ZHX2: variants seen among roughly 807,000 people sequenced by gnomAD.
The protein encoded by ZHX2 is zinc fingers and homeoboxes 2.
ZHX2 carries 6 observed loss-of-function variants against 21.9 expected under a neutral mutation model. The observed-to-expected ratio is 0.27, with a 90% CI of 0.15 to 0.54. The LOEUF (loss-of-function observed/expected upper bound fraction) is 0.54. Among genes scored for constraint, ZHX2 ranks in the 20% least tolerant of loss-of-function variants. The pLI, the probability that ZHX2 is intolerant of heterozygous loss-of-function variation, is 0.95. For missense variants in ZHX2, 908 were observed against 1,090.7 expected (o/e 0.83, Z 2.36); for synonymous variants, 434 against 437.1 (o/e 0.99, Z 0.09).
chr8:122,885,501 G>T (rs1361543385), intron 2 of ZHX2, among the ~76,000 whole-genome samples: 1 of 152,118 alleles, frequency 6.6e-6, no homozygotes, highest in Non-Finnish European at 1.5e-5. Context: ...TTTTTGGGTG[G>T]CATGGAAAGT....
chr8:122,789,911 A>G (rs1817477787), intron 1 of ZHX2, among the ~76,000 whole-genome samples: 1 of 152,184 alleles, frequency 6.6e-6, no homozygotes, highest in African/African-American at 2.4e-5. Flanking sequence ...AGTCCAGGAG[A>G]GCCCGAAGAC....
At chr8:122,797,430 G>C (rs953933164) in intron 1 of ZHX2, among the ~76,000 whole-genome samples, 1 of 152,210 alleles carries the variant, frequency 6.6e-6, no homozygotes, top group East Asian at 1.9e-4. Flanking sequence ...GCACATGACC[G>C]TCGGGCCAGT....
intron 1 of ZHX2, among the ~76,000 whole-genome samples, chr8:122,818,751 G>T (rs1818081643): frequency 6.6e-6 from 1 of 152,208 alleles, no homozygotes; most frequent in South Asian, 2.1e-4. Flanking sequence ...ATGAAAACAG[G>T]ATCTTCGTTG....
At chr8:122,922,924 G>A (rs1001165115) in intron 2 of ZHX2, among the ~76,000 whole-genome samples, 9 of 152,190 alleles carry the variant, frequency 5.9e-5, no homozygotes, top group Admixed American at 4.6e-4. Flanking sequence ...CCATCTGCCC[G>A]GTGGGCTGCT....
Position 122,936,714 on chromosome 8 carries a change from A to G in ZHX2, c.-219-14578A>G, listed in dbSNP as rs563495273. On this transcript the variant is annotated intron_variant, in intron 2 of 3. Coordinates refer to ENST00000314393, the MANE Select transcript of ZHX2 (RefSeq NM_014943.5). ...CTGGGACACAGTGGAATTCAGTGGG[A>G]CATCATCAGGACTGGTTCTCTGCAT... Among the ~76,000 whole-genome samples, 7 of 152,330 alleles carry G rather than the reference A, an allele frequency of 4.6e-5. No individual in the cohort carries two copies. The East Asian group carries it at 1.2e-3, about 25-fold the overall frequency.
intron 1 of ZHX2, among the ~76,000 whole-genome samples, chr8:122,827,500 G>A (rs1818287819): frequency 6.6e-6 from 1 of 152,212 alleles, no homozygotes; most frequent in Non-Finnish European, 1.5e-5. Flanking sequence ...ACAACTCTGT[G>A]AAGAAAGTTG....
At chr8:122,799,370 C>A (rs1284707114) in intron 1 of ZHX2, among the ~76,000 whole-genome samples, 1 of 151,364 alleles carries the variant, frequency 6.6e-6, no homozygotes, top group Non-Finnish European at 1.5e-5. Context: ...TGGGCTAACA[C>A]CCTTTGTTTT....
At chr8:122,793,301 C>G (rs2130544004) in intron 1 of ZHX2, among the ~76,000 whole-genome samples, 1 of 152,288 alleles carries the variant, frequency 6.6e-6, no homozygotes, top group East Asian at 1.9e-4. Flanking sequence ...CAGGAAGTGG[C>G]CTGGGATGAA....
At chr8:122,839,588 G>C (rs1037826056) in intron 1 of ZHX2, among the ~76,000 whole-genome samples, 10 of 152,140 alleles carry the variant, frequency 6.6e-5, no homozygotes, top group Admixed American at 1.3e-4. Flanking sequence ...ATAGAACTTG[G>C]TATTGGAAGA....
chr8:122,832,418 G>A (rs756653401), intron 1 of ZHX2, among the ~76,000 whole-genome samples: 4 of 152,204 alleles, frequency 2.6e-5, no homozygotes, highest in African/African-American at 4.8e-5. Context: ...GTTTGGAGAG[G>A]TAGGCAACAA....
intron 1 of ZHX2, among the ~76,000 whole-genome samples, chr8:122,849,280 G>A (rs575026960): frequency 5.9e-5 from 9 of 152,264 alleles, no homozygotes; most frequent in East Asian, 3.9e-4. Context: ...GAGTGGCTCC[G>A]GAGCTAGACA....
chr8:122,788,425 G>A (rs550542491), intron 1 of ZHX2, among the ~76,000 whole-genome samples: 1 of 151,970 alleles, frequency 6.6e-6, no homozygotes, highest in South Asian at 2.1e-4. Context: ...AAATGAACTG[G>A]GCGTGGTGAC....
intron 2 of ZHX2, among the ~76,000 whole-genome samples, chr8:122,871,074 C>G (rs985297378): frequency 6.6e-6 from 1 of 152,130 alleles, no homozygotes; most frequent in East Asian, 1.9e-4. Context: ...CAGGTAGGCT[C>G]AGGAGTCCAC....
chr8:122,815,224 C>T (rs543966285), intron 1 of ZHX2, among the ~76,000 whole-genome samples: 7 of 152,278 alleles, frequency 4.6e-5, no homozygotes, highest in South Asian at 4.1e-4. Context: ...TGGGCAGGGT[C>T]GGCTTCTCCG....
At chr8:122,865,329 C>T (rs1389659181) in intron 2 of ZHX2, among the ~76,000 whole-genome samples, 2 of 151,966 alleles carry the variant, frequency 1.3e-5, no homozygotes, top group Non-Finnish European at 2.9e-5. Context: ...GGGGTTTCAC[C>T]ATGTTAGCCA....
chr8:122,795,149 C>T (rs1348619047), intron 1 of ZHX2, among the ~76,000 whole-genome samples: 2 of 152,236 alleles, frequency 1.3e-5, no homozygotes, highest in Non-Finnish European at 2.9e-5. Flanking sequence ...TCTGTCACTA[C>T]AGCCTATAGG....
chr8:122,855,619 G>A (rs1242260604), intron 1 of ZHX2, among the ~76,000 whole-genome samples: 2 of 152,002 alleles, frequency 1.3e-5, no homozygotes, highest in East Asian at 1.9e-4. Context: ...TTCCAGCTAT[G>A]AGTCAGTACA....
intron 2 of ZHX2, among the ~76,000 whole-genome samples, chr8:122,878,311 A>G (rs1361697078): frequency 6.6e-6 from 1 of 152,148 alleles, no homozygotes; most frequent in African/African-American, 2.4e-5. Flanking sequence ...AAGAAGAAAC[A>G]CTTATTTAGC....
At chr8:122,895,818 T>C (rs1820085792) in intron 2 of ZHX2, among the ~76,000 whole-genome samples, 1 of 151,402 alleles carries the variant, frequency 6.6e-6, no homozygotes. Flanking sequence ...ATCAGAACCA[T>C]GCAAAAAATC....
Sources: gnomAD v4.1 joint callset for allele counts (sites outside exome capture counted in the v4.1 genomes callset) on GRCh38, gnomAD v4.1.1 for gene constraint, MANE v1.5 for transcripts, NCBI Gene and HGNC (gene_info 2026-07-23, HGNC 2026-07-21) for gene names.